Variants in FBXO22 observed in about 807,000 individuals in gnomAD.
The protein encoded by FBXO22 is F-box protein 22.
In FBXO22, 13 loss-of-function variants were observed where a neutral mutation model predicts 37.2. That is an observed-to-expected ratio of 0.35 (90% confidence interval 0.23 to 0.56). The LOEUF is 0.56. Ranked by LOEUF, FBXO22 falls within the 20% of genes least tolerant of loss-of-function variation. The pLI, the probability that FBXO22 is intolerant of heterozygous loss-of-function variation, is 0.87. For missense variants in FBXO22, 446 were observed against 509.9 expected (o/e 0.87, Z 1.21); for synonymous variants, 189 against 189.1 (o/e 1.00, Z 0.00).
At chr15:75,907,132 T>C (rs1187136223) in intron 2 of FBXO22, among the ~76,000 whole-genome samples, 1 of 152,170 alleles carries the variant, frequency 6.6e-6, no homozygotes, top group Non-Finnish European at 1.5e-5. Context: ...GCTTTAAGAG[T>C]TTATACATTG....
At chr15:75,915,498 G>A (rs980361773) in intron 4 of FBXO22, among the ~76,000 whole-genome samples, 24 of 152,108 alleles carry the variant, frequency 1.6e-4, no homozygotes, top group African/African-American at 5.8e-4. Flanking sequence ...TGGCGTGGTG[G>A]CTGACACCTG....
At chr15:75,904,672 T>C in intron 2 of FBXO22, 43 bp downstream of exon 2, 1 of 1,536,942 alleles carries the variant, frequency 6.5e-7, no homozygotes, top group Admixed American at 2.2e-5. Flanking sequence ...TGCAGGTTGG[T>C]GGTTCAGTCT....
intron 5 of FBXO22, among the ~76,000 whole-genome samples, chr15:75,927,323 G>A (rs1331770439): frequency 6.6e-6 from 1 of 152,116 alleles, no homozygotes; most frequent in Non-Finnish European, 1.5e-5. Flanking sequence ...AATGGGAGTG[G>A]TTGCCTTTAG....
intron 4 of FBXO22, among the ~76,000 whole-genome samples, chr15:75,915,764 A>G (rs1020314574): frequency 2.0e-5 from 3 of 151,846 alleles, no homozygotes; most frequent in Non-Finnish European, 4.4e-5. Flanking sequence ...GCCAGGCATG[A>G]TGGCGGGCAC....
intron 2 of FBXO22, among the ~76,000 whole-genome samples, chr15:75,907,707 C>A (rs1398240435): frequency 6.6e-6 from 1 of 151,834 alleles, no homozygotes; most frequent in Non-Finnish European, 1.5e-5. Flanking sequence ...AACAGCCTGG[C>A]CAACATGGTG....
chr15:75,904,364 C>T (rs1180570631), intron 1 of FBXO22, 127 bp from the exon 2 acceptor site: 2 of 1,405,740 alleles, frequency 1.4e-6, no homozygotes, highest in African/African-American at 1.4e-5. Context: ...CTGACACCTA[C>T]CTACCCCGGG....
chr15:75,913,298 T>C lies in FBXO22; in HGVS notation c.367+8T>C. On this transcript the variant is annotated splice_region_variant and intron_variant, in intron 3 of 6. Transcript: ENST00000308275. ...GTCGTGGCCATAAGAGAGGTAAATA[T>C]CAAAAGAAAAGCTTTTGCTTCTGTT... The C allele has an allele frequency of 6.3e-7, 1 of 1,579,662 alleles. No individual in the cohort carries two copies. Among genetic ancestry groups the C allele is most frequent in the South Asian group, 1.1e-5 (1 of 89,892 alleles).
At chr15:75,931,983 G>C (rs1037682109) in intron 6 of FBXO22, among the ~76,000 whole-genome samples, 1 of 152,192 alleles carries the variant, frequency 6.6e-6, no homozygotes, top group Non-Finnish European at 1.5e-5. Context: ...GGAGGCTGAG[G>C]CAGGAGGATT....
chr15:75,935,405 ATACTT>A lies in FBXO22; in HGVS notation c.*2306_*2310del, dbSNP rs1218730493. The A allele has an allele frequency of 2.0e-5, 3 of 152,200 alleles. No homozygotes were observed. Among genetic ancestry groups the A allele is most frequent in the South Asian group, 2.1e-4 (1 of 4,830 alleles). The allele number at this position is 152,200 out of a possible 1,614,324, so 9.4% of individuals were successfully genotyped here. ...ACTGAGCTGACGATCAGATCATAGA[ATACTT>A]TATTTAATCAAGACATTTAAAAATA... On this transcript the variant is annotated 3_prime_UTR_variant, in exon 7 of 7. Coordinates refer to ENST00000308275, the MANE Select transcript of FBXO22 (RefSeq NM_147188.3).
At chr15:75,919,756 A>G (rs1171738001) in intron 5 of FBXO22, among the ~76,000 whole-genome samples, 1 of 152,118 alleles carries the variant, frequency 6.6e-6, no homozygotes, top group African/African-American at 2.4e-5. Context: ...TGTGGGGGGA[A>G]TAGTAGGGTT....
intron 5 of FBXO22, among the ~76,000 whole-genome samples, chr15:75,919,127 C>G (rs370607982): frequency 1.3e-5 from 2 of 152,022 alleles, no homozygotes; most frequent in African/African-American, 4.8e-5. Context: ...CACCACCATG[C>G]CTGGCTAATT....
intron 4 of FBXO22, among the ~76,000 whole-genome samples, chr15:75,915,899 C>CAA (rs1177802395): frequency 3.7e-5 from 4 of 109,410 alleles, no homozygotes; most frequent in African/African-American, 6.8e-5. Flanking sequence ...GACTCTGTCT[C>CAA]AAAAAAAAAA....
In FBXO22 at chr15:75,918,726, G is replaced by C. The variant is rs72734553; in HGVS notation, c.628+1332G>C. On this transcript the variant is annotated intron_variant, in intron 5 of 6. Transcript: ENST00000308275. Reference sequence around the variant, plus strand: ...CATGGATGAACCTGGAGGATGTTAAGTGAAATAAGCCAGGCCCAGAAAGAC... The same window carrying C: ...CATGGATGAACCTGGAGGATGTTAACTGAAATAAGCCAGGCCCAGAAAGAC... 7.7e-3 allele frequency among the ~76,000 whole-genome samples: 1,179 copies of C among 152,318 alleles called. 4 individuals carry two copies. The highest frequency in any genetic ancestry group is 0.012 in the Non-Finnish European group (842 of 68,018).
In FBXO22 at chr15:75,936,438, T is replaced by C. The variant is rs1039746888; in HGVS notation, c.*3336T>C. On this transcript the variant is annotated 3_prime_UTR_variant, in exon 7 of 7. Coordinates refer to ENST00000308275, the MANE Select transcript of FBXO22 (RefSeq NM_147188.3). ...CTATATAGGGAAGAATAATCAAATA[T>C]TTGCAAAATATGTTATTTTTGTTTT... 8 of 152,178 alleles carry C rather than the reference T, an allele frequency of 5.3e-5. No individual in the cohort carries two copies. Among genetic ancestry groups the C allele is most frequent in the African/African-American group, 1.7e-4 (7 of 41,430 alleles). 9.4% of individuals were successfully genotyped at this position (152,178 alleles called of 1,614,324 possible).
chr15:75,904,276 G>GA (rs1899868588), intron 1 of FBXO22, 173 bp downstream of exon 1: 2 of 1,119,000 alleles, frequency 1.8e-6, no homozygotes, highest in Non-Finnish European at 2.5e-6. Context: ...GTGGTGCCCC[G>GA]GGGGGACTTC....
chr15:75,904,405 C>T, intron 1 of FBXO22, 86 bp from the exon 2 acceptor site: 4 of 1,586,930 alleles, frequency 2.5e-6, no homozygotes, highest in Non-Finnish European at 3.4e-6. Flanking sequence ...TCTCCTGCTG[C>T]TGCGCCAGCG....
rs1326552841 is a variant in FBXO22, at chr15:75,916,104, AATAGTT to A, written c.464-1123_464-1118del. ...AGTTTATTTCTTTTTTTATACTAGTAATAGTTATTTTTAGAAAAAAAAAATTAGAAG... is the reference window on the plus strand; with the variant it reads ...AGTTTATTTCTTTTTTTATACTAGTAATTTTTAGAAAAAAAAAATTAGAAG... On this transcript the variant is annotated intron_variant, in intron 4 of 6. Transcript: ENST00000308275. 3.3e-5 allele frequency among the ~76,000 whole-genome samples: 5 copies of A among 151,480 alleles called. No individual in the cohort carries two copies. In the East Asian group the frequency reaches 9.7e-4, roughly 29 times the overall value.
chr15:75,931,563 G>C (rs548119373), intron 6 of FBXO22, among the ~76,000 whole-genome samples: 2 of 152,290 alleles, frequency 1.3e-5, no homozygotes, highest in East Asian at 3.9e-4. Flanking sequence ...TTTACTACTA[G>C]CTAGCCTTAT....
intron 5 of FBXO22, among the ~76,000 whole-genome samples, chr15:75,921,331 A>G (rs886964288): frequency 2.6e-5 from 4 of 152,170 alleles, no homozygotes; most frequent in Admixed American, 1.3e-4. Context: ...TATAGTTTAT[A>G]AACACTGTAT....
Sources: gnomAD v4.1 joint callset for allele counts (sites outside exome capture counted in the v4.1 genomes callset) on GRCh38, gnomAD v4.1.1 for gene constraint, MANE v1.5 for transcripts, NCBI Gene and HGNC (gene_info 2026-07-23, HGNC 2026-07-21) for gene names.